RHCE: variants seen among roughly 807,000 people sequenced by gnomAD.
RHCE encodes the protein Rh blood group CcEe antigens.
RHCE carries 22 observed loss-of-function variants against 43.8 expected under a neutral mutation model. The observed-to-expected ratio is 0.50, with a 90% CI of 0.36 to 0.72. RHCE has a LOEUF of 0.72. Among genes scored for constraint, RHCE ranks in the 30% least tolerant of loss-of-function variants. The pLI is 0.00. For synonymous variants in RHCE, 156 were observed against 210.7 expected, an observed-to-expected ratio of 0.74 and a Z score of 2.25; for missense variants, 385 against 525.4, an observed-to-expected ratio of 0.73 and a Z score of 2.61.
At position 25,385,840 on chromosome 1, in the gene RHCE, C is replaced by T; in HGVS notation, c.944G>A (p.Cys315Tyr). ...GTGAATCCCCAGCACTCGGTTACAA[C>T]ACACCTGTGGACAAGTGTTATTATA... ...SIGGAKCLPV[C>Y]CNRVLGIHHI... Residue 315 changes from cysteine to tyrosine, a missense_variant, in exon 7 of 10, where the codon TGT becomes TAT. Cys to Tyr is a radical substitution (Grantham distance 194). Coordinates refer to ENST00000294413, the MANE Select transcript of RHCE (RefSeq NM_020485.8). The T allele has an allele frequency of 4.3e-6, 7 of 1,614,058 alleles. No homozygotes were observed. The highest frequency in any genetic ancestry group is 5.9e-6 in the Non-Finnish European group (7 of 1,180,016).
chr1:25,390,956 G>A (rs1302960613), intron 4 of RHCE, 41 bp from the exon 5 acceptor site: 12 of 1,613,330 alleles, frequency 7.4e-6, no homozygotes, highest in Non-Finnish European at 1.0e-5. Context: ...TCACACTCCT[G>A]CTCCAAAGGT....
intron 3 of RHCE, among the ~76,000 whole-genome samples, chr1:25,396,636 G>A (rs1646546758): frequency 6.6e-6 from 1 of 152,150 alleles, no homozygotes; most frequent in Non-Finnish European, 1.5e-5. Flanking sequence ...GAGAGAAAGA[G>A]AGAGAGGAAG....
At chr1:25,403,181 T>C (rs1194501626) in intron 2 of RHCE, among the ~76,000 whole-genome samples, 1 of 152,144 alleles carries the variant, frequency 6.6e-6, no homozygotes, top group African/African-American at 2.4e-5. Flanking sequence ...CCCATCCTCA[T>C]CTGGGGCCAC....
chr1:25,391,944 C>A (rs1204858566), intron 4 of RHCE, 50 bp downstream of exon 4: 2 of 1,611,796 alleles, frequency 1.2e-6, no homozygotes, highest in African/African-American at 1.3e-5. Flanking sequence ...CTTTTCTGAG[C>A]CATTCTGCTC....
chr1:25,397,567 A>T (rs112181079), intron 3 of RHCE, among the ~76,000 whole-genome samples: 56 of 148,348 alleles, frequency 3.8e-4, no homozygotes, highest in East Asian at 1.8e-3. Flanking sequence ...AAACATCCCC[A>T]GCTCCCTTGA....
At chr1:25,369,447 ACAT>A (rs1645537404) in intron 9 of RHCE, among the ~76,000 whole-genome samples, 1 of 151,718 alleles carries the variant, frequency 6.6e-6, no homozygotes, top group Admixed American at 6.6e-5. Context: ...CTAAGGGGAC[ACAT>A]CAGAGTGCTG....
At chr1:25,393,805 A>C (rs2904838) in intron 3 of RHCE, among the ~76,000 whole-genome samples, 1 of 151,026 alleles carries the variant, frequency 6.6e-6, no homozygotes, top group South Asian at 2.1e-4. Context: ...CCTCAAACCC[A>C]CTAGCGTGTT....
At chr1:25,386,401 A>C (rs557719485) in intron 6 of RHCE, among the ~76,000 whole-genome samples, 1 of 152,184 alleles carries the variant, frequency 6.6e-6, no homozygotes, top group African/African-American at 2.4e-5. Flanking sequence ...ACACCTCTAG[A>C]TCCCTACTCA....
At chr1:25,372,787 C>G (rs1283102482) in intron 8 of RHCE, among the ~76,000 whole-genome samples, 2 of 151,690 alleles carry the variant, frequency 1.3e-5, no homozygotes, top group Non-Finnish European at 2.9e-5. Flanking sequence ...AACTTTCTCC[C>G]CCTTCCATTG....
In RHCE at chr1:25,390,834, A is replaced by C; in HGVS notation, c.716T>G (p.Phe239Cys). The C allele has an allele frequency of 6.2e-7, 1 of 1,614,256 alleles. No individual in the cohort carries two copies. ...GACTGCTAGAGCATAGTAGGTGTTG[A>C]ACATGGCATTCTTCCTTTGGATTGG... ...RSPIQRKNAM[F>C]NTYYALAVSV... Residue 239 changes from phenylalanine (F) to cysteine (C), a missense_variant, in exon 5 of 10, where the codon TTC (phenylalanine) becomes TGC (cysteine). This residue lies in a region of RHCE where 56 missense variants were observed against 90.0 expected (regional missense o/e 0.62). Transcript: ENST00000294413.
intron 9 of RHCE, among the ~76,000 whole-genome samples, chr1:25,368,962 G>A (rs895113926): frequency 6.6e-6 from 1 of 151,602 alleles, no homozygotes; most frequent in Non-Finnish European, 1.5e-5. Context: ...GGTTTCACCG[G>A]GTTGCCCAGG....
chr1:25,416,826 G>GT (rs1553161324), intron 1 of RHCE, among the ~76,000 whole-genome samples: 3 of 148,168 alleles, frequency 2.0e-5, no homozygotes, highest in Non-Finnish European at 4.5e-5. Flanking sequence ...TGGCGGGGGG[G>GT]GGTCTCCCTA....
At chr1:25,394,420 G>GGTACCACTCAGTACCT (rs1646478894) in intron 3 of RHCE, among the ~76,000 whole-genome samples, 1 of 151,848 alleles carries the variant, frequency 6.6e-6, no homozygotes, top group Non-Finnish European at 1.5e-5. Flanking sequence ...TTACCTTCAG[G>GGTACCACTCAGTACCT]TCTGTACTCA....
intron 3 of RHCE, chr1:25,399,038 C>T: frequency 6.3e-7 from 1 of 1,587,812 alleles, no homozygotes; most frequent in Non-Finnish European, 8.6e-7. Context: ...GTCACTGGGG[C>T]CTTGGACAAG....
chr1:25,411,185 T>C (rs1199077913), intron 1 of RHCE, among the ~76,000 whole-genome samples: 2 of 152,216 alleles, frequency 1.3e-5, no homozygotes, highest in African/African-American at 4.8e-5. Context: ...TTACTTTCCT[T>C]ATCAACAGAA....
intron 7 of RHCE, among the ~76,000 whole-genome samples, chr1:25,380,324 C>G (rs2124369445): frequency 7.4e-6 from 1 of 135,594 alleles, no homozygotes; most frequent in Non-Finnish European, 1.5e-5. Flanking sequence ...GAATTTGGAC[C>G]CCCGAAGCTT....
chr1:25,414,645 G>A (rs1196479035), intron 1 of RHCE, among the ~76,000 whole-genome samples: 3 of 152,168 alleles, frequency 2.0e-5, no homozygotes, highest in Non-Finnish European at 4.4e-5. Flanking sequence ...GTATGGGGTG[G>A]GGATGGGGGA....
At chr1:25,421,450 G>A (rs1393095510), upstream of RHCE, among the ~76,000 whole-genome samples, 1 of 152,164 alleles carries the variant, frequency 6.6e-6, no homozygotes, top group Non-Finnish European at 1.5e-5. Flanking sequence ...GGAGATGTGG[G>A]TTTGGCTCTA....
At position 25,407,685 on chromosome 1, in the gene RHCE, C is replaced by T. The variant is rs936069338; in HGVS notation, c.335+998G>A. Among the ~76,000 whole-genome samples the T allele has an allele frequency of 2.4e-5, 3 of 123,372 alleles. 1 individual carries two copies. The highest frequency in any genetic ancestry group is 7.5e-5 in the African/African-American group (3 of 39,872). The allele number at this position is 123,372 out of a possible 152,430, so 80.9% of individuals were successfully genotyped here. On this transcript the variant is annotated intron_variant, in intron 2 of 9. Transcript: ENST00000294413. ...ACAATGTTTCAGGAAAAAATTTAGC[C>T]TAGTTCCTTCTATTAAGTGCCAATG... is the stretch of plus-strand genomic sequence containing the variant.
Sources: allele counts gnomAD v4.1 joint callset (sites outside exome capture counted in the v4.1 genomes callset), GRCh38; gene constraint gnomAD v4.1.1; regional missense constraint gnomAD v4.1.1; transcripts MANE v1.5; gene names NCBI Gene and HGNC (gene_info 2026-07-23, HGNC 2026-07-21).